Variants in FHAD1 observed in about 807,000 individuals in gnomAD.
FHAD1 encodes the protein forkhead associated phosphopeptide binding domain 1.
FHAD1 carries 146 observed loss-of-function variants against 191.3 expected under a neutral mutation model. The ratio of observed to expected loss-of-function variants is 0.76; its 90% CI spans 0.67 to 0.88. The LOEUF (loss-of-function observed/expected upper bound fraction) is 0.88, where lower values mean the gene tolerates loss of function less well. Ranked by LOEUF, FHAD1 falls within the 40% of genes least tolerant of loss-of-function variation. FHAD1 has a pLI of 0.00. For missense variants in FHAD1, 1,635 were observed against 1,785.8 expected (o/e 0.92, Z 1.52); for synonymous variants, 616 against 672.3 (o/e 0.92, Z 1.29).
Position 15,383,016 on chromosome 1 carries a change from G to A in FHAD1, c.4188+823G>A, listed in dbSNP as rs182950504. The A allele has an allele frequency of 4.4e-3, 2,018 of 453,996 alleles. 48 individuals are homozygous for A. The highest frequency in any genetic ancestry group is 0.04 in the Admixed American group (1,702 of 42,046). The allele number at this position is 453,996 out of a possible 1,614,324, so 28.1% of individuals were successfully genotyped here. A position where few individuals can be genotyped will look rare whatever the true frequency, so the allele number is the denominator to read the frequency against. On this transcript the variant is annotated intron_variant, in intron 31 of 33. Transcript: ENST00000688493. ...TCCCCCTCCCACCACACACACACAC[G>A]CGCACGCGCACACACTCTGGTATCT...
chr1:15,388,414 T>C, intron 32 of FHAD1: 1 of 1,124,744 alleles, frequency 8.9e-7, no homozygotes, highest in Non-Finnish European at 1.1e-6. Flanking sequence ...GCCCCGTCTG[T>C]CCATTAAGGT....
At chr1:15,243,109 A>C (rs1645584581), upstream of FHAD1, among the ~76,000 whole-genome samples, 1 of 152,202 alleles carries the variant, frequency 6.6e-6, no homozygotes, top group South Asian at 2.1e-4. Context: ...TTGCAAGATA[A>C]CTGAATGCTC....
intron 27 of FHAD1, among the ~76,000 whole-genome samples, chr1:15,374,860 GTTT>G (rs1558266702): frequency 7.2e-6 from 1 of 138,972 alleles, no homozygotes; most frequent in Admixed American, 7.3e-5. Flanking sequence ...TTTTTTTTTT[GTTT>G]GTTTTTTTTT....
chr1:15,351,404 G>T (rs749315181), intron 19 of FHAD1, among the ~76,000 whole-genome samples: 95 of 152,170 alleles, frequency 6.2e-4, no homozygotes, highest in Middle Eastern at 3.4e-3. Flanking sequence ...CTCCAAGTGG[G>T]CAGGGTTTGA....
intron 7 of FHAD1, among the ~76,000 whole-genome samples, chr1:15,309,701 A>C (rs1046724949): frequency 1.3e-5 from 2 of 149,520 alleles, no homozygotes; most frequent in African/African-American, 5.0e-5. Flanking sequence ...CTCATCAGTT[A>C]TTATTAGCGT....
In FHAD1 at chr1:15,369,219, T is replaced by A. The variant is rs1697409638; in HGVS notation, c.3315-151T>A. 1.6e-5 allele frequency: 16 copies of A among 1,030,346 alleles called. No homozygotes were observed. The East Asian group carries it at 2.9e-4, about 19-fold the overall frequency. The allele number at this position is 1,030,346 out of a possible 1,614,324, so 63.8% of individuals were successfully genotyped here. On this transcript the variant is annotated intron_variant, in intron 25 of 33. Transcript: ENST00000688493. ...CACTCTCCCATAAGTCCCCTGAAACTGAATTCTCTAGAAATATGGGAACAG... is the reference window on the plus strand; with the variant it reads ...CACTCTCCCATAAGTCCCCTGAAACAGAATTCTCTAGAAATATGGGAACAG...
chr1:15,316,245 C>A lies in FHAD1; in HGVS notation c.1171-133C>A. On this transcript the variant is annotated intron_variant, in intron 8 of 33. Transcript: ENST00000688493. The surrounding 1 kb of genome is among the most constrained non-coding windows in gnomAD (Gnocchi z 4.3). ...GACACCATGGGATGCCTTTTGGGAT[C>A]TCAGTGCGTGACTGGATGGAAACAG... 1.5e-6 allele frequency: 1 copy of A among 676,862 alleles called. No individual in the cohort carries two copies. Among genetic ancestry groups the A allele is most frequent in the South Asian group, 1.9e-5 (1 of 51,762 alleles). 41.9% of individuals were successfully genotyped at this position (676,862 alleles called of 1,614,324 possible). A position where few individuals can be genotyped will look rare whatever the true frequency, so the allele number is the denominator to read the frequency against.
intron 24 of FHAD1, 21 bp from the exon 25 acceptor site, chr1:15,367,442 C>T (rs1230076330): frequency 1.3e-5 from 20 of 1,547,284 alleles, no homozygotes; most frequent in Middle Eastern, 1.7e-4. Flanking sequence ...ACCCCCTTAC[C>T]GGCCCTCCTG....
At chr1:15,296,028 T>C (rs1187224911) in intron 4 of FHAD1, among the ~76,000 whole-genome samples, 1 of 152,156 alleles carries the variant, frequency 6.6e-6, no homozygotes, top group Non-Finnish European at 1.5e-5. Flanking sequence ...ATGATATGTG[T>C]GGAAACTAAG....
chr1:15,365,481 AT>A (rs71587751), intron 23 of FHAD1, among the ~76,000 whole-genome samples: 3,217 of 112,720 alleles, frequency 0.029, 47 homozygotes, highest in Middle Eastern at 0.059. Flanking sequence ...TGCCTGGCTA[AT>A]TTTTTTTTTT....
At chr1:15,243,375 A>C (rs1299877114), upstream of FHAD1, among the ~76,000 whole-genome samples, 1 of 152,172 alleles carries the variant, frequency 6.6e-6, no homozygotes, top group Non-Finnish European at 1.5e-5. Context: ...CACCCTGCGC[A>C]ACAGCTTGGC....
intron 18 of FHAD1, among the ~76,000 whole-genome samples, chr1:15,347,729 G>A (rs942075224): frequency 3.9e-5 from 6 of 152,322 alleles, no homozygotes; most frequent in South Asian, 2.1e-4. Flanking sequence ...GATTACAGGC[G>A]TGAGCCACCG....
At chr1:15,375,018 C>G (rs1699220175) in intron 27 of FHAD1, among the ~76,000 whole-genome samples, 1 of 151,866 alleles carries the variant, frequency 6.6e-6, no homozygotes, top group South Asian at 2.1e-4. Context: ...GCCACCACAC[C>G]TGGCCAATTT....
rs1677505967 is a variant in FHAD1 at position 15,324,449 on chromosome 1, C to T, written c.1366-3C>T. Reference sequence around the variant, plus strand: ...CAAGTACTCGCTTTCATCGTCATTTCAGGTTGAAGAGAAGCTTCAGGAGGA... The same window carrying T: ...CAAGTACTCGCTTTCATCGTCATTTTAGGTTGAAGAGAAGCTTCAGGAGGA... On this transcript the variant is annotated splice_region_variant and splice_polypyrimidine_tract_variant and intron_variant, in intron 10 of 33. Transcript: ENST00000688493. The T allele has an allele frequency of 6.5e-7, 1 of 1,548,338 alleles. No individual in the cohort carries two copies. Among genetic ancestry groups the T allele is most frequent in the Middle Eastern group, 1.7e-4 (1 of 5,992 alleles).
Position 15,345,457 on chromosome 1 carries a change from G to A in FHAD1, c.2280G>A (p.Lys760=). 6.4e-7 allele frequency: 1 copy of A among 1,552,388 alleles called. No individual in the cohort carries two copies. The highest frequency in any genetic ancestry group is 8.7e-7 in the Non-Finnish European group (1 of 1,147,154). ...KSITQEKNRV[K]EALEEEQTRV... is the part of the protein sequence containing the mutation. ...TTACCCAGGAGAAGAACAGAGTGAAGGAAGCATTAGAGGAAGAGCAGACAA... is the reference window on the plus strand; with the variant it reads ...TTACCCAGGAGAAGAACAGAGTGAAAGAAGCATTAGAGGAAGAGCAGACAA... Residue 760 remains lysine (K), a synonymous_variant, in exon 18 of 34, where the codon AAG becomes AAA. Coordinates refer to ENST00000688493, the MANE Select transcript of FHAD1 (RefSeq NM_001391957.1).
chr1:15,347,839 G>C (rs918487233), intron 18 of FHAD1, among the ~76,000 whole-genome samples: 1 of 152,210 alleles, frequency 6.6e-6, no homozygotes, highest in Non-Finnish European at 1.5e-5. Flanking sequence ...TTGAGGTCAT[G>C]TTCAAAGTTA....
chr1:15,345,755 C>CAG (rs760498402), intron 18 of FHAD1: 23 of 564,158 alleles, frequency 4.1e-5, no homozygotes, highest in East Asian at 8.9e-5. Flanking sequence ...AAAACACAGT[C>CAG]AGAGAGAGAG....
In FHAD1 at chr1:15,318,099, G is replaced by A. The variant is rs1244961630; in HGVS notation, c.1365+171G>A. ...TTCACTGCATAAAGTAGTTGTGGCA[G>A]GACTTGAACCCAGGTTGGTCTGACT... On this transcript the variant is annotated intron_variant, in intron 10 of 33. Coordinates refer to ENST00000688493, the MANE Select transcript of FHAD1 (RefSeq NM_001391957.1). The surrounding 1 kb of genome is among the most constrained non-coding windows in gnomAD (Gnocchi z 4.1). Among the ~76,000 whole-genome samples the A allele has an allele frequency of 1.3e-5, 2 of 152,162 alleles. No individual in the cohort carries two copies. The highest frequency in any genetic ancestry group is 2.9e-5 in the Non-Finnish European group (2 of 68,038).
intron 3 of FHAD1, among the ~76,000 whole-genome samples, chr1:15,274,176 C>T (rs981142440): frequency 7.9e-5 from 12 of 152,166 alleles, no homozygotes; most frequent in African/African-American, 2.9e-4. Context: ...CGCCTTTTGC[C>T]TATTGCAAAT....
Sources: gnomAD v4.1 joint callset for allele counts (sites outside exome capture counted in the v4.1 genomes callset) on GRCh38, gnomAD v4.1.1 for gene constraint, Gnocchi (gnomAD v3.1) non-coding constraint, MANE v1.5 for transcripts, NCBI Gene and HGNC (gene_info 2026-07-23, HGNC 2026-07-21) for gene names.